Variants in MARCHF5 observed in about 807,000 individuals in gnomAD.
MARCHF5 encodes the protein E3 ubiquitin-protein ligase MARCHF5.
In MARCHF5, 5 loss-of-function variants were observed where a neutral mutation model predicts 36.5. The ratio of observed to expected loss-of-function variants is 0.14; its 90% CI spans 0.07 to 0.29. MARCHF5 has a LOEUF of 0.29. MARCHF5 is among the 10% of genes least tolerant of loss of function. MARCHF5 has a pLI of 1.00. For missense variants in MARCHF5, 179 were observed against 336.3 expected (o/e 0.53, Z 3.66); for synonymous variants, 103 against 109.9 (o/e 0.94, Z 0.39).
At chr10:92,307,175 CTGTGTGTGTGTGTGTG>C (rs376178460) in intron 1 of MARCHF5, among the ~76,000 whole-genome samples, 2 of 121,814 alleles carry the variant, frequency 1.6e-5, no homozygotes, top group African/African-American at 3.0e-5. Context: ...AAGAAAACAT[CTGTGTGTGTGTGTGTG>C]TGTGTGTGTG....
intron 2 of MARCHF5, among the ~76,000 whole-genome samples, chr10:92,337,957 T>G (rs979642052): frequency 6.0e-5 from 9 of 151,250 alleles, no homozygotes; most frequent in Non-Finnish European, 1.0e-4. Context: ...GAGGATTGCT[T>G]GAGCCTAGGA....
intron 3 of MARCHF5, among the ~76,000 whole-genome samples, chr10:92,346,295 C>G (rs1337823750): frequency 1.3e-5 from 2 of 152,066 alleles, no homozygotes; most frequent in African/African-American, 4.8e-5. Context: ...TTGATTTTCT[C>G]TCACTTTCAA....
chr10:92,306,091 C>T (rs1843070460), intron 1 of MARCHF5, among the ~76,000 whole-genome samples: 1 of 152,178 alleles, frequency 6.6e-6, no homozygotes, highest in Non-Finnish European at 1.5e-5. Context: ...GTTAACAGTA[C>T]AAGAATATAT....
At chr10:92,340,114 T>G (rs1843560325) in intron 2 of MARCHF5, among the ~76,000 whole-genome samples, 1 of 152,184 alleles carries the variant, frequency 6.6e-6, no homozygotes, top group South Asian at 2.1e-4. Flanking sequence ...TACGAGAATC[T>G]AATTGTTGCC....
chr10:92,308,094 C>T (rs1329421498), intron 1 of MARCHF5, among the ~76,000 whole-genome samples: 1 of 151,968 alleles, frequency 6.6e-6, no homozygotes, highest in African/African-American at 2.4e-5. Flanking sequence ...GCACCTGCCA[C>T]CACGCCTGGC....
At chr10:92,347,796 C>T (rs1326811962) in intron 3 of MARCHF5, among the ~76,000 whole-genome samples, 4 of 152,184 alleles carry the variant, frequency 2.6e-5, no homozygotes, top group Admixed American at 1.3e-4. Flanking sequence ...GCCTCCTGCC[C>T]TTTAATATTA....
intron 1 of MARCHF5, among the ~76,000 whole-genome samples, chr10:92,307,289 T>G (rs1276457209): frequency 2.6e-5 from 4 of 152,150 alleles, no homozygotes; most frequent in African/African-American, 7.2e-5. Context: ...TATGCTGATA[T>G]CGGCCTAAAG....
chr10:92,322,992 T>TC (rs1162093510), intron 2 of MARCHF5, among the ~76,000 whole-genome samples: 9 of 152,160 alleles, frequency 5.9e-5, no homozygotes, highest in Non-Finnish European at 1.5e-5. Flanking sequence ...CACCTTGGCC[T>TC]CCCAAAGTGC....
chr10:92,313,568 G>A (rs1286931749), intron 2 of MARCHF5, among the ~76,000 whole-genome samples: 4 of 151,552 alleles, frequency 2.6e-5, no homozygotes, highest in Admixed American at 6.6e-5. Flanking sequence ...TAGCGCCACA[G>A]CACTCCAGCC....
intron 2 of MARCHF5, among the ~76,000 whole-genome samples, chr10:92,316,353 CCTT>C (rs1413986940): frequency 1.3e-5 from 2 of 152,086 alleles, no homozygotes; most frequent in Non-Finnish European, 2.9e-5. Flanking sequence ...AGAGTTTTAT[CCTT>C]CTCACTGTTT....
In MARCHF5 at chr10:92,340,750, G is replaced by T; in HGVS notation, c.316G>T (p.Val106Phe). 1 of 1,613,860 alleles carries T rather than the reference G, an allele frequency of 6.2e-7. No homozygotes were observed. The highest frequency in any genetic ancestry group is 1.3e-5 in the African/African-American group (1 of 75,036). The change falls in exon 3 of 6, where the codon GTC (valine) becomes TTC (phenylalanine). Residue 106 changes from valine (V) to phenylalanine (F), a missense_variant. By Grantham distance (50) the Val-to-Phe change is conservative. Around this residue, in one of 3 missense-constraint regions of MARCHF5, gnomAD observed 66 missense variants for 180.5 expected, o/e 0.37. Transcript: ENST00000358935. ...ACPFAAAGIM[V>F]GSIYWTAVTY... ...TCCATTTGCTGCAGCAGGAATAATG[G>T]TCGGCTCTATCTATTGGACAGCTGT...
intron 2 of MARCHF5, among the ~76,000 whole-genome samples, chr10:92,329,111 T>G (rs918970623): frequency 2.6e-5 from 4 of 152,178 alleles, no homozygotes; most frequent in Admixed American, 6.5e-5. Context: ...CTTAGAAAAT[T>G]TATGTTATCA....
At chr10:92,292,969 G>T (rs1019466641) in intron 1 of MARCHF5, among the ~76,000 whole-genome samples, 1 of 152,140 alleles carries the variant, frequency 6.6e-6, no homozygotes, top group African/African-American at 2.4e-5. Context: ...ATTAAAATAT[G>T]CCCAGAGGAA....
intron 2 of MARCHF5, among the ~76,000 whole-genome samples, chr10:92,318,332 G>T (rs1357016536): frequency 2.0e-5 from 3 of 151,458 alleles, no homozygotes; most frequent in African/African-American, 4.9e-5. Context: ...AGGCTGAGGC[G>T]CTAGAATCAC....
At chr10:92,319,356 C>T (rs181020277) in intron 2 of MARCHF5, among the ~76,000 whole-genome samples, 101 of 147,514 alleles carry the variant, frequency 6.8e-4, no homozygotes, top group African/African-American at 2.4e-3. Context: ...AGTGCAGTGG[C>T]GCGATCTCGA....
At chr10:92,327,739 A>C (rs1455687684) in intron 2 of MARCHF5, among the ~76,000 whole-genome samples, 1 of 152,146 alleles carries the variant, frequency 6.6e-6, no homozygotes, top group Non-Finnish European at 1.5e-5. Context: ...CAGAATGCTC[A>C]CTCAGGTATT....
chr10:92,325,505 G>A (rs908406793), intron 2 of MARCHF5, among the ~76,000 whole-genome samples: 6 of 152,036 alleles, frequency 3.9e-5, no homozygotes, highest in Admixed American at 1.3e-4. Flanking sequence ...TTGTTACGTC[G>A]TCCTGATGGA....
In MARCHF5 at chr10:92,302,423, G is replaced by T. The variant is rs757223519; in HGVS notation, c.36-8712G>T. Among the ~76,000 whole-genome samples the T allele has an allele frequency of 2.7e-5, 4 of 149,478 alleles. No homozygotes were observed. The South Asian group carries it at 6.4e-4, about 24-fold the overall frequency. On this transcript the variant is annotated intron_variant, in intron 1 of 5. Transcript: ENST00000358935. ...AATCCTGAGACAAAATAAGCAACAC[G>T]TAGTTTTCTTTTTTCTTTTTTTTTC...
Position 92,291,486 on chromosome 10 carries a change from C to A in MARCHF5, c.-9C>A, listed in dbSNP as rs1165156871. The A allele has an allele frequency of 6.5e-7, 1 of 1,548,276 alleles. No individual in the cohort carries two copies. The highest frequency in any genetic ancestry group is 8.7e-7 in the Non-Finnish European group (1 of 1,145,372). On this transcript the variant is annotated 5_prime_UTR_variant, in exon 1 of 6. Transcript: ENST00000358935. ...CTGGGGAAGGCCGTGTGCGCCGGCT[C>A]CGCGGAAGATGCCGGACCAAGCCCT...
Sources: allele counts gnomAD v4.1 joint callset (sites outside exome capture counted in the v4.1 genomes callset), GRCh38; gene constraint gnomAD v4.1.1; regional missense constraint gnomAD v4.1.1; transcripts MANE v1.5; gene names NCBI Gene and HGNC (gene_info 2026-07-23, HGNC 2026-07-21).